NPFFR2: variants seen among roughly 807,000 people sequenced by gnomAD.
NPFFR2 encodes G-protein coupled receptor 74.
NPFFR2 carries 15 observed loss-of-function variants against 13.1 expected under a neutral mutation model. That is an observed-to-expected ratio of 1.15 (90% confidence interval 0.77 to 1.76). The LOEUF is 1.76. Among genes scored for constraint, NPFFR2 ranks in the 40% most tolerant of loss-of-function variants. The pLI, the probability that NPFFR2 is intolerant of heterozygous loss-of-function variation, is 0.00. For synonymous variants in NPFFR2, 190 were observed against 175.7 expected (o/e 1.08, Z -0.65); for missense variants, 572 against 503.5 (o/e 1.14, Z -1.30).
intron 1 of NPFFR2, among the ~76,000 whole-genome samples, chr4:72,111,302 A>G (rs573096097): frequency 7.9e-5 from 12 of 152,072 alleles, no homozygotes; most frequent in Non-Finnish European, 1.3e-4. Context: ...GTAAATGTAT[A>G]CTGAGTCCTA....
At chr4:72,102,995 C>A (rs62320809) in intron 1 of NPFFR2, among the ~76,000 whole-genome samples, 3 of 152,088 alleles carry the variant, frequency 2.0e-5, no homozygotes, top group Non-Finnish European at 4.4e-5. Context: ...CCAACAGCGT[C>A]AAAGTGTTCC....
chr4:72,095,668 C>A (rs992598930), intron 1 of NPFFR2, among the ~76,000 whole-genome samples: 2 of 151,908 alleles, frequency 1.3e-5, no homozygotes, highest in Non-Finnish European at 2.9e-5. Flanking sequence ...CTATTATGGG[C>A]CCTATATAAG....
rs150349083 is a variant in NPFFR2 at position 72,078,178 on chromosome 4, A to G, written c.-8+45978A>G. On this transcript the variant is annotated intron_variant, in intron 1 of 3. Transcript: ENST00000308744. ...TTCATATTTTGCATATAGGTACCCTATTGTTCCAGCAGTATTTGTTGAAAA... is the reference window on the plus strand; with the variant it reads ...TTCATATTTTGCATATAGGTACCCTGTTGTTCCAGCAGTATTTGTTGAAAA... 7.3e-3 allele frequency among the ~76,000 whole-genome samples: 1,119 copies of G among 152,248 alleles called. 13 individuals are homozygous for G. The highest frequency in any genetic ancestry group is 0.025 in the African/African-American group (1,048 of 41,578).
Position 72,148,009 on chromosome 4 carries a change from G to A in NPFFR2, c.*197G>A, listed in dbSNP as rs766756930. On this transcript the variant is annotated 3_prime_UTR_variant, in exon 4 of 4. Transcript: ENST00000308744. The stretch of plus-strand genomic sequence containing the variant: ...ACAATCTTATGTTGTATAAAAATAC[G>A]TAGAGTGACTTAGACATGTTTGCAT... 21 of 492,524 alleles carry A rather than the reference G, an allele frequency of 4.3e-5. No individual in the cohort carries two copies. Among genetic ancestry groups the A allele is most frequent in the South Asian group, 1.8e-4 (5 of 28,506 alleles). The allele number at this position is 492,524 out of a possible 1,614,324, so 30.5% of individuals were successfully genotyped here. A position where few individuals can be genotyped will look rare whatever the true frequency, so the allele number is the denominator to read the frequency against.
chr4:72,118,507 T>C (rs925895731), intron 1 of NPFFR2, among the ~76,000 whole-genome samples: 2 of 152,118 alleles, frequency 1.3e-5, no homozygotes, highest in Admixed American at 6.5e-5. Flanking sequence ...CCAGTAAATA[T>C]CAATAGAAAA....
chr4:72,103,327 T>A (rs933978218), intron 1 of NPFFR2, among the ~76,000 whole-genome samples: 4 of 152,004 alleles, frequency 2.6e-5, no homozygotes, highest in African/African-American at 9.7e-5. Context: ...TGGGAGGTGT[T>A]TAGGTCTTGA....
intron 1 of NPFFR2, among the ~76,000 whole-genome samples, chr4:72,102,834 G>A (rs893758659): frequency 2.2e-4 from 34 of 152,138 alleles, no homozygotes; most frequent in African/African-American, 6.3e-4. Flanking sequence ...GGAAACATAC[G>A]TATGCATTTG....
intron 1 of NPFFR2, among the ~76,000 whole-genome samples, chr4:72,041,468 A>G (rs1159457819): frequency 6.6e-6 from 1 of 152,168 alleles, no homozygotes; most frequent in Non-Finnish European, 1.5e-5. Flanking sequence ...TATGAATGCA[A>G]GTGTCTTCTT....
In NPFFR2 at chr4:72,032,206, A is replaced by G; in HGVS notation, c.-8+6A>G. ...GACAGGGCTCGCCGGGAGAGGTAACAGCATGGGCCAGTTTGTCTGGGGGCC... is the reference window on the plus strand; with the variant it reads ...GACAGGGCTCGCCGGGAGAGGTAACGGCATGGGCCAGTTTGTCTGGGGGCC... On this transcript the variant is annotated splice_donor_region_variant and intron_variant, in intron 1 of 3. Transcript: ENST00000308744. 1.9e-6 allele frequency: 3 copies of G among 1,596,656 alleles called. No individual in the cohort carries two copies. Among genetic ancestry groups the G allele is most frequent in the Non-Finnish European group, 2.6e-6 (3 of 1,169,756 alleles).
chr4:72,094,573 G>A (rs1175462496), intron 1 of NPFFR2, among the ~76,000 whole-genome samples: 2 of 152,164 alleles, frequency 1.3e-5, no homozygotes, highest in African/African-American at 2.4e-5. Context: ...GGCTGCCTCT[G>A]CTGCCTCACA....
At chr4:72,046,907 G>T (rs917942081) in intron 1 of NPFFR2, among the ~76,000 whole-genome samples, 1 of 152,222 alleles carries the variant, frequency 6.6e-6, no homozygotes, top group Non-Finnish European at 1.5e-5. Context: ...TTAGACACTG[G>T]GGTAAAGTCC....
intron 2 of NPFFR2, among the ~76,000 whole-genome samples, chr4:72,131,533 A>G (rs1311891537): frequency 6.6e-6 from 1 of 151,934 alleles, no homozygotes; most frequent in Non-Finnish European, 1.5e-5. Flanking sequence ...CCAGCATGGC[A>G]CATGTATACA....
At chr4:72,114,219 G>T (rs1048214082) in intron 1 of NPFFR2, among the ~76,000 whole-genome samples, 2 of 151,998 alleles carry the variant, frequency 1.3e-5, no homozygotes, top group Non-Finnish European at 2.9e-5. Flanking sequence ...CTGAATATAT[G>T]CTTGTAACCA....
intron 1 of NPFFR2, among the ~76,000 whole-genome samples, chr4:72,036,692 C>A (rs949882024): frequency 6.6e-6 from 1 of 150,964 alleles, no homozygotes; most frequent in African/African-American, 2.4e-5. Context: ...ATCCACAATG[C>A]CATTTTGCAG....
Position 72,127,172 on chromosome 4 carries a change from C to T in NPFFR2, c.-7-1413C>T, listed in dbSNP as rs1286576375. ...AAAAAAAATTCGCTGGGCGTGGTGG[C>T]GGGTGCCTGTAGTCCCAGCTACTCG... On this transcript the variant is annotated intron_variant, in intron 1 of 3. Transcript: ENST00000308744. Among the ~76,000 whole-genome samples, 15 of 149,692 alleles carry T rather than the reference C, an allele frequency of 1.0e-4. No individual in the cohort carries two copies. In the East Asian group the frequency reaches 1.2e-3, roughly 12 times the overall value.
At chr4:72,068,870 T>A in intron 1 of NPFFR2, 1 of 451,832 alleles carries the variant, frequency 2.2e-6, no homozygotes, top group Non-Finnish European at 3.8e-6. Flanking sequence ...TCTTTTTTCC[T>A]GCATGGCTCT....
chr4:72,147,226 A>G lies in NPFFR2; in HGVS notation c.677A>G (p.Asn226Ser), dbSNP rs750736231. 2 of 1,614,066 alleles carry G rather than the reference A, an allele frequency of 1.2e-6. No individual in the cohort carries two copies. Among genetic ancestry groups the G allele is most frequent in the African/African-American group, 1.3e-5 (1 of 74,930 alleles). ...ATCTACACCACTGTGCTGTTTGCCA[A>G]CATCTACCTGGCTCCCCTCTCCCTC... ...RKIYTTVLFA[N>S]IYLAPLSLIV... Residue 226 changes from asparagine (N) to serine (S), a missense_variant, in exon 4 of 4, where the codon AAC becomes AGC. Asn to Ser is a conservative substitution (Grantham distance 46, BLOSUM62 1). Coordinates refer to ENST00000308744, the MANE Select transcript of NPFFR2 (RefSeq NM_004885.3).
intron 1 of NPFFR2, among the ~76,000 whole-genome samples, chr4:72,034,332 C>A (rs879047716): frequency 6.6e-6 from 1 of 152,166 alleles, no homozygotes; most frequent in South Asian, 2.1e-4. Context: ...AGGAGACTTA[C>A]AATCATGGCA....
At chr4:72,134,241 G>A (rs1432929514) in intron 2 of NPFFR2, among the ~76,000 whole-genome samples, 67 of 152,152 alleles carry the variant, frequency 4.4e-4, no homozygotes, top group Non-Finnish European at 4.4e-5. Flanking sequence ...TCCAGCCTGG[G>A]TGACAGAGAG....
Sources: allele counts gnomAD v4.1 joint callset (sites outside exome capture counted in the v4.1 genomes callset), GRCh38; gene constraint gnomAD v4.1.1; transcripts MANE v1.5; gene names NCBI Gene and HGNC (gene_info 2026-07-23, HGNC 2026-07-21).